The following BTAF1 variants were observed in gnomAD, a reference collection of about 807,000 sequenced individuals.
BTAF1 encodes the protein B-TFIID TATA-box binding protein associated factor 1, also known as TATA-binding protein-associated factor 172.
Under a neutral mutation model 227.1 loss-of-function variants are expected in BTAF1, and 38 were observed. The observed-to-expected ratio is 0.17, with a 90% CI of 0.13 to 0.22. The LOEUF (loss-of-function observed/expected upper bound fraction) is 0.22, where lower values mean the gene tolerates loss of function less well. BTAF1 is among the 10% of genes least tolerant of loss of function. The pLI is 1.00. For synonymous variants in BTAF1, 742 were observed against 751.9 expected, an observed-to-expected ratio of 0.99 and a Z score of 0.21; for missense variants, 1,598 against 2,204.0, an observed-to-expected ratio of 0.73 and a Z score of 5.51.
chr10:92,018,748 A>G lies in BTAF1; in HGVS notation c.4711-35A>G. On this transcript the variant is annotated intron_variant, in intron 33 of 37. Coordinates refer to ENST00000265990, the MANE Select transcript of BTAF1 (RefSeq NM_003972.3). The stretch of plus-strand genomic sequence containing the variant: ...GATAAAAATATTTGTGATATGCGAA[A>G]TTGACTCATATATACTTTTTTTTTC... 2 of 1,406,220 alleles carry G rather than the reference A, an allele frequency of 1.4e-6. 1 individual carries two copies. Among genetic ancestry groups the G allele is most frequent in the Middle Eastern group, 3.8e-4 (2 of 5,266 alleles). The allele number at this position is 1,406,220 out of a possible 1,614,324, so 87.1% of individuals were successfully genotyped here.
intron 19 of BTAF1, among the ~76,000 whole-genome samples, chr10:91,986,651 G>A (rs1263091738): frequency 6.6e-6 from 1 of 151,830 alleles, no homozygotes; most frequent in African/African-American, 2.4e-5. Flanking sequence ...TTTTTTGCCT[G>A]TCTGGAATTA....
At chr10:91,952,968 T>C (rs1293885955) in intron 5 of BTAF1, among the ~76,000 whole-genome samples, 1 of 152,154 alleles carries the variant, frequency 6.6e-6, no homozygotes, top group African/African-American at 2.4e-5. Context: ...TAGGCAACAC[T>C]AATTTGGGGT....
At chr10:92,012,748 G>T (rs1322140345) in intron 30 of BTAF1, among the ~76,000 whole-genome samples, 4 of 131,956 alleles carry the variant, frequency 3.0e-5, no homozygotes, top group Non-Finnish European at 6.2e-5. Context: ...TGCAGCCTGG[G>T]TGACAGAGTG....
intron 12 of BTAF1, 131 bp from the exon 13 acceptor site, chr10:91,963,946 A>G (rs1846705617): frequency 2.0e-6 from 2 of 976,496 alleles, no homozygotes; most frequent in Non-Finnish European, 3.0e-6. Context: ...TTTACTCAAA[A>G]TTGACACCGT....
chr10:91,989,247 A>G lies in BTAF1; in HGVS notation c.2521A>G (p.Thr841Ala). 6.2e-7 allele frequency: 1 copy of G among 1,614,226 alleles called. No individual in the cohort carries two copies. The highest frequency in any genetic ancestry group is 8.5e-7 in the Non-Finnish European group (1 of 1,180,042). ...TAGTAAACGACAGCAGGTCCAAATG[A>G]CAGTTACAGAGACCAACCAGGAGTG... ...LDSKRQQVQMTVTETNQEWQV... is the reference protein window; with the variant it reads ...LDSKRQQVQMAVTETNQEWQV... Residue 841 changes from threonine to alanine, a missense_variant, in exon 20 of 38, where the codon ACA becomes GCA. This residue lies in a region of BTAF1 where 425 missense variants were observed against 491.2 expected (regional missense o/e 0.87). Transcript: ENST00000265990.
chr10:92,018,202 G>C (rs916331742), intron 33 of BTAF1, among the ~76,000 whole-genome samples: 2 of 152,064 alleles, frequency 1.3e-5, no homozygotes, highest in Non-Finnish European at 2.9e-5. Flanking sequence ...TCCTGCCTCA[G>C]CCTCCCGAGT....
At chr10:92,004,552 C>T (rs547597538) in intron 25 of BTAF1, among the ~76,000 whole-genome samples, 2 of 152,170 alleles carry the variant, frequency 1.3e-5, no homozygotes, top group African/African-American at 2.4e-5. Context: ...ACTGCAGCTT[C>T]GACCTCCTGG....
chr10:92,009,339 A>T, intron 28 of BTAF1, 131 bp downstream of exon 28: 2 of 960,564 alleles, frequency 2.1e-6, no homozygotes, highest in Non-Finnish European at 3.0e-6. Context: ...ACTTATGAAA[A>T]GTGAATGTAC....
intron 1 of BTAF1, among the ~76,000 whole-genome samples, chr10:91,926,964 A>G (rs1843885094): frequency 6.6e-6 from 1 of 152,100 alleles, no homozygotes; most frequent in Non-Finnish European, 1.5e-5. Flanking sequence ...TTCCTGTGTC[A>G]TCTTTTTAGA....
intron 24 of BTAF1, 133 bp from the exon 25 acceptor site, chr10:91,997,470 G>A: frequency 1.4e-6 from 1 of 738,352 alleles, no homozygotes; most frequent in Non-Finnish European, 2.1e-6. Flanking sequence ...TAGGCCTGGA[G>A]GGTCAGTCTT....
chr10:92,020,029 T>C (rs774142333), intron 34 of BTAF1, among the ~76,000 whole-genome samples: 2 of 151,922 alleles, frequency 1.3e-5, no homozygotes, highest in Non-Finnish European at 2.9e-5. Context: ...GCCGAGAAAT[T>C]CTTTATAATT....
intron 14 of BTAF1, among the ~76,000 whole-genome samples, chr10:91,976,531 C>T (rs1331208978): frequency 2.0e-5 from 3 of 152,106 alleles, no homozygotes; most frequent in Non-Finnish European, 4.4e-5. Context: ...AGAGTCACTT[C>T]GTTAGCACAA....
chr10:91,936,869 C>T (rs1844647197), intron 2 of BTAF1, among the ~76,000 whole-genome samples: 1 of 152,170 alleles, frequency 6.6e-6, no homozygotes, highest in African/African-American at 2.4e-5. Context: ...CCAGTGAGTT[C>T]TGGTCTTCTT....
chr10:91,935,904 T>C, intron 2 of BTAF1, 124 bp downstream of exon 2: 1 of 1,015,606 alleles, frequency 9.8e-7, no homozygotes. Context: ...CTTTTTTTTT[T>C]CTGGTCACAA....
intron 18 of BTAF1, 97 bp downstream of exon 18, chr10:91,982,858 T>A (rs1347199680): frequency 7.9e-7 from 1 of 1,268,208 alleles, no homozygotes; most frequent in Non-Finnish European, 1.1e-6. Flanking sequence ...AAATTTTCGA[T>A]GTATAAAAAT....
intron 18 of BTAF1, among the ~76,000 whole-genome samples, chr10:91,983,792 C>T (rs528535753): frequency 1.4e-4 from 22 of 152,162 alleles, no homozygotes; most frequent in Non-Finnish European, 2.9e-4. Context: ...TTTATATCCA[C>T]TTTTACAGTA....
At chr10:92,017,734 C>T (rs1198549891) in intron 33 of BTAF1, among the ~76,000 whole-genome samples, 1 of 152,072 alleles carries the variant, frequency 6.6e-6, no homozygotes, top group African/African-American at 2.4e-5. Context: ...TGGTCTTGAA[C>T]TTTTGGCCTC....
At chr10:91,945,799 C>G (rs1156764859) in intron 4 of BTAF1, among the ~76,000 whole-genome samples, 1 of 151,958 alleles carries the variant, frequency 6.6e-6, no homozygotes, top group African/African-American at 2.4e-5. Context: ...GGGTATATAC[C>G]CAGAAGTAAA....
At chr10:91,969,608 C>CT (rs1324529723) in intron 14 of BTAF1, among the ~76,000 whole-genome samples, 2 of 152,100 alleles carry the variant, frequency 1.3e-5, no homozygotes, top group African/African-American at 4.8e-5. Context: ...TTTTGTTAGT[C>CT]TTGTAATACC....
Sources: gnomAD v4.1 joint callset for allele counts (sites outside exome capture counted in the v4.1 genomes callset) on GRCh38, gnomAD v4.1.1 for gene constraint, gnomAD v4.1.1 regional missense constraint, MANE v1.5 for transcripts, NCBI Gene and HGNC (gene_info 2026-07-23, HGNC 2026-07-21) for gene names.